NREP: variants seen among roughly 807,000 people sequenced by gnomAD.
NREP encodes neuronal regeneration related protein.
NREP carries 5 observed loss-of-function variants against 8.6 expected under a neutral mutation model. That is an observed-to-expected ratio of 0.58 (90% confidence interval 0.30 to 1.22). The LOEUF is 1.22. NREP is among the 50% of genes most tolerant of loss of function. NREP has a pLI of 0.07. For missense variants in NREP, 86 were observed against 82.5 expected (o/e 1.04, Z -0.17); for synonymous variants, 27 against 28.0 (o/e 0.96, Z 0.11).
chr5:111,732,218 TC>T (rs1195544742), intron 3 of NREP: 2 of 152,184 alleles, frequency 1.3e-5, no homozygotes, highest in African/African-American at 4.8e-5. Context: ...CATCTGAATT[TC>T]TTTTTAAGAA....
At chr5:111,919,076 C>T (rs974151478) in intron 2 of NREP, among the ~76,000 whole-genome samples, 20 of 151,558 alleles carry the variant, frequency 1.3e-4, no homozygotes, top group African/African-American at 3.9e-4. Flanking sequence ...GTGAAGGATA[C>T]GAACGGACAC....
intron 2 of NREP, among the ~76,000 whole-genome samples, chr5:111,869,387 A>C (rs1302823000): frequency 6.6e-6 from 1 of 152,216 alleles, no homozygotes; most frequent in Admixed American, 6.5e-5. Flanking sequence ...TATTTAAATA[A>C]AAAAGGACTT....
At chr5:111,903,994 T>G (rs1754715349) in intron 2 of NREP, among the ~76,000 whole-genome samples, 1 of 152,170 alleles carries the variant, frequency 6.6e-6, no homozygotes, top group Non-Finnish European at 1.5e-5. Context: ...CTATACAAAT[T>G]ATTTTTACAT....
intron 2 of NREP, among the ~76,000 whole-genome samples, chr5:111,799,490 T>C (rs1751951955): frequency 6.6e-6 from 1 of 152,258 alleles, no homozygotes; most frequent in Admixed American, 6.5e-5. Flanking sequence ...CCAATTGCCC[T>C]AGGATAATTA....
At chr5:111,857,024 G>T (rs573328094) in intron 2 of NREP, among the ~76,000 whole-genome samples, 1 of 152,180 alleles carries the variant, frequency 6.6e-6, no homozygotes, top group Admixed American at 6.5e-5. Context: ...TTTTACCTCA[G>T]ATTTTTATGT....
intron 2 of NREP, among the ~76,000 whole-genome samples, chr5:111,785,725 T>C (rs1385855484): frequency 4.6e-5 from 7 of 152,184 alleles, no homozygotes; most frequent in Admixed American, 4.6e-4. Flanking sequence ...AAGCTGTATA[T>C]AGTTAGTATG....
intron 2 of NREP, among the ~76,000 whole-genome samples, chr5:111,927,755 C>T (rs1165076297): frequency 2.6e-5 from 4 of 152,150 alleles, no homozygotes; most frequent in Non-Finnish European, 4.4e-5. Flanking sequence ...TCCCTTTCCT[C>T]CTTTCCTTCC....
At chr5:111,870,414 A>T (rs1198347314) in intron 2 of NREP, among the ~76,000 whole-genome samples, 1 of 152,214 alleles carries the variant, frequency 6.6e-6, no homozygotes, top group African/African-American at 2.4e-5. Flanking sequence ...TGGTTAAAAG[A>T]GCAAGATTCT....
chr5:111,881,995 G>A (rs1754090620), intron 2 of NREP, among the ~76,000 whole-genome samples: 1 of 152,224 alleles, frequency 6.6e-6, no homozygotes, highest in Admixed American at 6.5e-5. Context: ...ACTTTGACGA[G>A]TTGAGAGAAG....
At chr5:111,886,797 G>A (rs1215789521) in intron 2 of NREP, among the ~76,000 whole-genome samples, 1 of 149,886 alleles carries the variant, frequency 6.7e-6, no homozygotes, top group African/African-American at 2.5e-5. Context: ...ACAGGAAGGG[G>A]AACATCACAC....
chr5:111,745,763 T>C (rs539526214), intron 2 of NREP, among the ~76,000 whole-genome samples: 6 of 152,112 alleles, frequency 3.9e-5, no homozygotes, highest in Admixed American at 2.0e-4. Flanking sequence ...TTCCTCTCAG[T>C]TGAAGAATAT....
chr5:111,924,350 G>T (rs564083611), intron 2 of NREP, among the ~76,000 whole-genome samples: 66 of 152,206 alleles, frequency 4.3e-4, no homozygotes, highest in Non-Finnish European at 8.4e-4. Flanking sequence ...TACAAGTGAG[G>T]GGTATCCCGA....
At chr5:111,936,173 T>C (rs1165520187) in intron 2 of NREP, among the ~76,000 whole-genome samples, 2 of 152,230 alleles carry the variant, frequency 1.3e-5, no homozygotes, top group East Asian at 1.9e-4. Context: ...GGCTCTGTGT[T>C]GCCACCCAAA....
chr5:111,825,445 A>G (rs1294914396), intron 2 of NREP, among the ~76,000 whole-genome samples: 3 of 152,112 alleles, frequency 2.0e-5, no homozygotes, highest in Non-Finnish European at 4.4e-5. Flanking sequence ...CATGTTTTTA[A>G]TTTTGTTTAC....
chr5:111,976,750 T>C (rs978703991), exon 1 of NREP: 1 of 1,550,622 alleles, frequency 6.4e-7, no homozygotes, highest in African/African-American at 1.4e-5. Flanking sequence ...TCCAGTCCTG[T>C]TACTGCTTGA....
chr5:111,915,818 C>A (rs1305162172), intron 2 of NREP, among the ~76,000 whole-genome samples: 1 of 152,106 alleles, frequency 6.6e-6, no homozygotes, highest in African/African-American at 2.4e-5. Flanking sequence ...ATGCTAGCAG[C>A]AATGAACTAA....
At chr5:111,975,138 A>C (rs1262524152) in intron 2 of NREP, 1 of 649,252 alleles carries the variant, frequency 1.5e-6, no homozygotes, top group Non-Finnish European at 2.7e-6. Flanking sequence ...AAAAGCCTGA[A>C]TTAATGGAAA....
intron 2 of NREP, among the ~76,000 whole-genome samples, chr5:111,904,832 A>G (rs953586687): frequency 6.6e-6 from 1 of 152,114 alleles, no homozygotes; most frequent in African/African-American, 2.4e-5. Context: ...AAACAAGACC[A>G]AGAATATAAC....
intron 2 of NREP, among the ~76,000 whole-genome samples, chr5:111,918,600 G>T (rs997465197): frequency 6.6e-6 from 1 of 151,986 alleles, no homozygotes; most frequent in Non-Finnish European, 1.5e-5. Context: ...GACAAAAACA[G>T]GCAATGGGGA....
Sources: gnomAD v4.1 joint callset for allele counts (sites outside exome capture counted in the v4.1 genomes callset) on GRCh38, gnomAD v4.1.1 for gene constraint, MANE v1.5 for transcripts, NCBI Gene and HGNC (gene_info 2026-07-23, HGNC 2026-07-21) for gene names.